TANGO6: variants seen among roughly 807,000 people sequenced by gnomAD.
TANGO6 encodes transport and golgi organization 6 homolog.
TANGO6 carries 90 observed loss-of-function variants against 114.2 expected under a neutral mutation model. The ratio of observed to expected loss-of-function variants is 0.79; its 90% CI spans 0.66 to 0.94. The LOEUF is 0.94. Among genes scored for constraint, TANGO6 ranks in the 40% least tolerant of loss-of-function variants. TANGO6 has a pLI of 0.00. For synonymous variants in TANGO6, 477 were observed against 509.8 expected, an observed-to-expected ratio of 0.94 and a Z score of 0.87; for missense variants, 1,274 against 1,315.3, an observed-to-expected ratio of 0.97 and a Z score of 0.49.
intron 14 of TANGO6, among the ~76,000 whole-genome samples, chr16:68,941,918 G>A (rs1487310234): frequency 6.6e-6 from 1 of 152,036 alleles, no homozygotes; most frequent in East Asian, 1.9e-4. Flanking sequence ...AGGAGTTTGG[G>A]GCCAACCTGG....
intron 17 of TANGO6, among the ~76,000 whole-genome samples, chr16:69,056,300 G>T (rs1597074297): frequency 6.6e-6 from 1 of 152,068 alleles, no homozygotes; most frequent in East Asian, 1.9e-4. Context: ...GCTAGCTTTT[G>T]CTTTACTCTT....
intron 14 of TANGO6, among the ~76,000 whole-genome samples, chr16:68,969,190 A>T (rs1963679367): frequency 6.6e-6 from 1 of 152,050 alleles, no homozygotes; most frequent in Non-Finnish European, 1.5e-5. Context: ...TACCAAAGGG[A>T]TTGATGTGTG....
intron 17 of TANGO6, among the ~76,000 whole-genome samples, chr16:69,047,596 A>G (rs1270884496): frequency 6.6e-6 from 1 of 152,196 alleles, no homozygotes; most frequent in Non-Finnish European, 1.5e-5. Context: ...ACTCACAGCA[A>G]CGTTATAAAA....
At chr16:68,989,256 TTTGTTC>T (rs1408138385) in intron 15 of TANGO6, among the ~76,000 whole-genome samples, 11 of 152,214 alleles carry the variant, frequency 7.2e-5, no homozygotes, top group Non-Finnish European at 7.3e-5. Context: ...ATTAGATTTT[TTTGTTC>T]TTGTTCTTGT....
intron 14 of TANGO6, among the ~76,000 whole-genome samples, chr16:68,946,345 C>G (rs1455193932): frequency 1.3e-5 from 2 of 152,106 alleles, no homozygotes; most frequent in Non-Finnish European, 2.9e-5. Flanking sequence ...GCTCCCACCA[C>G]AATGCCCGGC....
At chr16:69,001,584 T>A (rs1964043524) in intron 15 of TANGO6, among the ~76,000 whole-genome samples, 1 of 152,132 alleles carries the variant, frequency 6.6e-6, no homozygotes, top group South Asian at 2.1e-4. Context: ...TTTAAGTTTC[T>A]CATTAAAGCC....
intron 1 of TANGO6, among the ~76,000 whole-genome samples, chr16:68,850,459 A>T (rs1023024856): frequency 7.2e-5 from 11 of 152,186 alleles, no homozygotes; most frequent in African/African-American, 2.7e-4. Flanking sequence ...CAGGTCTATA[A>T]TCTTTTCAAA....
Position 69,084,414 on chromosome 16 carries a change from C to G in TANGO6, c.*753C>G, listed in dbSNP as rs992837508. The G allele has an allele frequency of 6.6e-6, 1 of 152,282 alleles. No individual in the cohort carries two copies. Among genetic ancestry groups the G allele is most frequent in the African/African-American group, 2.4e-5 (1 of 41,446 alleles). 9.4% of individuals were successfully genotyped at this position (152,282 alleles called of 1,614,324 possible). ...TGCCCTGATTATCAGGAGAAAAGAA[C>G]CACGAGCATCCAGAGAGTTTACATC... On this transcript the variant is annotated 3_prime_UTR_variant, in exon 18 of 18. Coordinates refer to ENST00000261778, the MANE Select transcript of TANGO6 (RefSeq NM_024562.2).
At chr16:68,885,656 T>C (rs7198088) in intron 7 of TANGO6, 96,801 of 152,232 alleles carry the variant, frequency 0.64, 32,668 homozygotes, top group African/African-American at 0.89. Flanking sequence ...TAGTTGTAAA[T>C]ACCACTGCAC....
At chr16:68,972,916 C>T (rs373103673) in intron 14 of TANGO6, 12 of 275,932 alleles carry the variant, frequency 4.3e-5, no homozygotes, top group East Asian at 2.2e-4. Context: ...GAAGTGAGGC[C>T]GACTCCTCCG....
chr16:68,923,529 T>A (rs1478297289), intron 12 of TANGO6, among the ~76,000 whole-genome samples: 1 of 152,168 alleles, frequency 6.6e-6, no homozygotes, highest in Non-Finnish European at 1.5e-5. Flanking sequence ...TCCTTTCTCT[T>A]CTTCACCGAG....
intron 16 of TANGO6, among the ~76,000 whole-genome samples, chr16:69,038,596 A>G (rs1959727049): frequency 6.6e-6 from 1 of 152,134 alleles, no homozygotes; most frequent in South Asian, 2.1e-4. Flanking sequence ...CTCTTCATTG[A>G]GATTTTAAAA....
intron 1 of TANGO6, 63 bp downstream of exon 1, chr16:68,843,774 G>A (rs1361190538): frequency 3.2e-6 from 5 of 1,544,066 alleles, no homozygotes; most frequent in Non-Finnish European, 4.5e-6. Context: ...CGGCTTCCGG[G>A]GCTGCCCTGC....
At chr16:68,946,702 A>G (rs751227652) in intron 14 of TANGO6, among the ~76,000 whole-genome samples, 21 of 152,002 alleles carry the variant, frequency 1.4e-4, no homozygotes, top group South Asian at 2.1e-4. Context: ...AGATTTTGCC[A>G]TGTTGCCCAG....
chr16:68,917,868 T>A (rs902423282), intron 11 of TANGO6, among the ~76,000 whole-genome samples: 1 of 151,718 alleles, frequency 6.6e-6, no homozygotes, highest in African/African-American at 2.4e-5. Flanking sequence ...TCCTCCCACC[T>A]CAGTCTCCTG....
At chr16:69,028,103 G>A (rs1959535282) in intron 16 of TANGO6, among the ~76,000 whole-genome samples, 1 of 151,998 alleles carries the variant, frequency 6.6e-6, no homozygotes, top group African/African-American at 2.4e-5. Flanking sequence ...GGGATTACAG[G>A]CATCTGCCAC....
intron 15 of TANGO6, among the ~76,000 whole-genome samples, chr16:68,991,668 A>G (rs143581435): frequency 8.0e-4 from 122 of 151,998 alleles, no homozygotes; most frequent in African/African-American, 2.8e-3. Context: ...AAATACAAAA[A>G]TTAGATGGGC....
intron 16 of TANGO6, among the ~76,000 whole-genome samples, chr16:69,039,327 CAA>C (rs1224194865): frequency 2.1e-3 from 214 of 102,838 alleles, no homozygotes; most frequent in African/African-American, 6.1e-3. Context: ...GACTCCGTCT[CAA>C]AAAAAAAAAA....
intron 16 of TANGO6, among the ~76,000 whole-genome samples, chr16:69,039,656 G>GA (rs1959744292): frequency 7.5e-6 from 1 of 134,032 alleles, no homozygotes; most frequent in Admixed American, 7.2e-5. Context: ...AAACAAAACA[G>GA]AAAAAATACG....
Sources: gnomAD v4.1 joint callset for allele counts (sites outside exome capture counted in the v4.1 genomes callset) on GRCh38, gnomAD v4.1.1 for gene constraint, MANE v1.5 for transcripts, NCBI Gene and HGNC (gene_info 2026-07-23, HGNC 2026-07-21) for gene names.